The following FAM219A variants were observed in gnomAD, a reference collection of about 807,000 sequenced individuals.
FAM219A encodes family with sequence similarity 219 member A.
In FAM219A, 7 loss-of-function variants were observed where a neutral mutation model predicts 23.4. That is an observed-to-expected ratio of 0.30 (90% CI 0.17 to 0.56). The LOEUF (loss-of-function observed/expected upper bound fraction) is 0.56, where lower values mean the gene tolerates loss of function less well. Ranked by LOEUF, FAM219A falls within the 20% of genes least tolerant of loss-of-function variation. The pLI is 0.92. For missense variants in FAM219A, 166 were observed against 246.9 expected (o/e 0.67, Z 2.20); for synonymous variants, 93 against 99.0 (o/e 0.94, Z 0.36).
intron 1 of FAM219A, among the ~76,000 whole-genome samples, chr9:34,414,849 C>T (rs929361544): frequency 6.6e-6 from 1 of 152,242 alleles, no homozygotes. Context: ...AAAGTCAACA[C>T]ACTGAGTGTC....
chr9:34,398,584 T>A lies in FAM219A; in HGVS notation c.*2380A>T, dbSNP rs934251091. The A allele has an allele frequency of 1.7e-6, 1 of 573,386 alleles. No individual in the cohort carries two copies. Among genetic ancestry groups the A allele is most frequent in the African/African-American group, 1.9e-5 (1 of 53,142 alleles). The allele number at this position is 573,386 out of a possible 1,614,324, so 35.5% of individuals were successfully genotyped here. A position where few individuals can be genotyped will look rare whatever the true frequency, so the allele number is the denominator to read the frequency against. On this transcript the variant is annotated 3_prime_UTR_variant, in exon 6 of 6. Coordinates refer to ENST00000651358, the MANE Select transcript of FAM219A (RefSeq NM_001184940.2). The stretch of plus-strand genomic sequence containing the variant: ...CCTGCCAGGGAACTAGTATGTCCTG[T>A]GGGGGGGGAGATTTTCCCTGGTGTC...
intron 1 of FAM219A, among the ~76,000 whole-genome samples, chr9:34,443,484 C>T (rs934912291): frequency 2.6e-5 from 4 of 152,308 alleles, no homozygotes; most frequent in Middle Eastern, 3.4e-3. Context: ...CCCATCTCCT[C>T]ACTCTCTCCC....
chr9:34,434,958 TAC>T (rs1822848767), intron 1 of FAM219A, among the ~76,000 whole-genome samples: 1 of 152,208 alleles, frequency 6.6e-6, no homozygotes, highest in East Asian at 1.9e-4. Flanking sequence ...TAGCTGGGAC[TAC>T]AGGCATGTGC....
At chr9:34,455,281 T>C (rs1823688878) in intron 1 of FAM219A, among the ~76,000 whole-genome samples, 1 of 152,106 alleles carries the variant, frequency 6.6e-6, no homozygotes, top group Admixed American at 6.5e-5. Flanking sequence ...CTTCATCTCA[T>C]AAATGGAAAA....
intron 1 of FAM219A, among the ~76,000 whole-genome samples, chr9:34,433,747 G>C (rs1474560109): frequency 1.3e-5 from 2 of 152,024 alleles, no homozygotes; most frequent in Non-Finnish European, 2.9e-5. Context: ...CAGACTGACT[G>C]TATCATTTTA....
rs530569905 is a variant in FAM219A at position 34,457,625 on chromosome 9, T to G, written c.60+579A>C. Among the ~76,000 whole-genome samples, 7 of 152,226 alleles carry G rather than the reference T, an allele frequency of 4.6e-5. No individual in the cohort carries two copies. The highest frequency in any genetic ancestry group is 1.4e-4 in the African/African-American group (6 of 41,556). On this transcript the variant is annotated intron_variant, in intron 1 of 5. Transcript: ENST00000651358. The surrounding 1 kb of genome is among the most constrained non-coding windows in gnomAD (Gnocchi z 5.1). ...CTTCCCGGTTTAGATGCCCCCAGCC[T>G]GGTCTGCCTGCGCTCCCCACCGGAG...
At chr9:34,438,911 C>T (rs544846098) in intron 1 of FAM219A, among the ~76,000 whole-genome samples, 57 of 152,384 alleles carry the variant, frequency 3.7e-4, no homozygotes, top group African/African-American at 1.1e-3. Context: ...TGCAATAAAT[C>T]TTGCTACTGC....
rs1337192711 is a variant in FAM219A at position 34,458,284 on chromosome 9, C to G, written c.-21G>C. ...ATCATGGTGCCGGCGGGCGAGCGGGCCAGGGGCCGGGCGCGGCCGCGGACG... is the reference window on the plus strand; with the variant it reads ...ATCATGGTGCCGGCGGGCGAGCGGGGCAGGGGCCGGGCGCGGCCGCGGACG... On this transcript the variant is annotated 5_prime_UTR_variant, in exon 1 of 6. Coordinates refer to ENST00000651358, the MANE Select transcript of FAM219A (RefSeq NM_001184940.2). This position sits in a 1 kb window ranked among gnomAD's most constrained non-coding sequence, Gnocchi z 6.6. 4 of 1,446,452 alleles carry G rather than the reference C, an allele frequency of 2.8e-6. No homozygotes were observed. The highest frequency in any genetic ancestry group is 3.6e-6 in the Non-Finnish European group (4 of 1,100,156). 89.6% of individuals were successfully genotyped at this position (1,446,452 alleles called of 1,614,324 possible). A position where few individuals can be genotyped will look rare whatever the true frequency, so the allele number is the denominator to read the frequency against.
intron 1 of FAM219A, among the ~76,000 whole-genome samples, chr9:34,440,867 A>AT (rs200360352): frequency 6.6e-6 from 1 of 151,298 alleles, no homozygotes; most frequent in Admixed American, 6.6e-5. Context: ...AAAAAAAAAA[A>AT]ATTTTTAAAG....
intron 1 of FAM219A, among the ~76,000 whole-genome samples, chr9:34,430,517 G>A (rs1180273058): frequency 1.3e-5 from 2 of 151,042 alleles, no homozygotes; most frequent in South Asian, 4.2e-4. Flanking sequence ...GGCGCTTGTA[G>A]TCCCAGCTAC....
intron 1 of FAM219A, among the ~76,000 whole-genome samples, chr9:34,424,053 A>T: frequency 6.6e-6 from 1 of 152,198 alleles, no homozygotes; most frequent in East Asian, 1.9e-4. Flanking sequence ...TAAGCAGAAG[A>T]CTGACAGCTA....
chr9:34,414,757 G>A (rs1375782656), intron 1 of FAM219A, among the ~76,000 whole-genome samples: 3 of 152,168 alleles, frequency 2.0e-5, no homozygotes, highest in African/African-American at 7.2e-5. Context: ...GAGAATCCTG[G>A]CTGGCCCAGG....
In FAM219A at chr9:34,457,854, C is replaced by A. The variant is rs10814111; in HGVS notation, c.60+350G>T. Among the ~76,000 whole-genome samples, 7,135 of 152,304 alleles carry A rather than the reference C, an allele frequency of 0.047. 269 individuals are homozygous for A. Among genetic ancestry groups the A allele is most frequent in the Admixed American group, 0.093 (1,430 of 15,306 alleles). Reference sequence around the variant, plus strand: ...ACTAAACGCCTCCCCACCTCCCATCCCAGACCCCTGGGCCTGCCGCCGGCG... The same window carrying A: ...ACTAAACGCCTCCCCACCTCCCATCACAGACCCCTGGGCCTGCCGCCGGCG... On this transcript the variant is annotated intron_variant, in intron 1 of 5. Coordinates refer to ENST00000651358, the MANE Select transcript of FAM219A (RefSeq NM_001184940.2). The surrounding 1 kb of genome is among the most constrained non-coding windows in gnomAD (Gnocchi z 5.1).
chr9:34,402,344 GTTC>G, intron 4 of FAM219A, 40 bp downstream of exon 4: 1 of 1,614,162 alleles, frequency 6.2e-7, no homozygotes, highest in Non-Finnish European at 8.5e-7. Flanking sequence ...TGCTATACAG[GTTC>G]CTTTGGGCTG....
In FAM219A at chr9:34,433,975, G is replaced by T. The variant is rs536441841; in HGVS notation, c.60+24229C>A. 6.6e-5 allele frequency among the ~76,000 whole-genome samples: 10 copies of T among 152,088 alleles called. No homozygotes were observed. In the South Asian group the frequency reaches 2.1e-3, roughly 32 times the overall value. The stretch of plus-strand genomic sequence containing the variant: ...CCCAGCACTTTGGGAGGCCGAGGCG[G>T]GCGGATCACAAGGTCAGGAGATCAA... On this transcript the variant is annotated intron_variant, in intron 1 of 5. Coordinates refer to ENST00000651358, the MANE Select transcript of FAM219A (RefSeq NM_001184940.2).
intron 1 of FAM219A, among the ~76,000 whole-genome samples, chr9:34,442,574 A>T (rs1268509447): frequency 6.6e-6 from 1 of 151,970 alleles, no homozygotes; most frequent in African/African-American, 2.4e-5. Context: ...AATCCCAGCT[A>T]CTCAGGAAGC....
At position 34,450,533 on chromosome 9, in the gene FAM219A, C is replaced by T. The variant is rs536275622; in HGVS notation, c.60+7671G>A. Among the ~76,000 whole-genome samples the T allele has an allele frequency of 1.6e-4, 25 of 152,098 alleles. No individual in the cohort carries two copies. The South Asian group carries it at 3.5e-3, about 22-fold the overall frequency. On this transcript the variant is annotated intron_variant, in intron 1 of 5. Coordinates refer to ENST00000651358, the MANE Select transcript of FAM219A (RefSeq NM_001184940.2). ...CTCCTGGGTTCAAGCAATTTTCTGC[C>T]TCAGCCTCCCGAGTAGCTGGGATTA...
At chr9:34,414,827 C>G (rs1040601012) in intron 1 of FAM219A, among the ~76,000 whole-genome samples, 1 of 152,218 alleles carries the variant, frequency 6.6e-6, no homozygotes, top group Non-Finnish European at 1.5e-5. Context: ...TAAAAGAAGA[C>G]CCATTTCAAA....
In FAM219A at chr9:34,402,743, G is replaced by T. The variant is rs1376366709; in HGVS notation, c.225C>A (p.Asn75Lys). 9 of 1,614,186 alleles carry T rather than the reference G, an allele frequency of 5.6e-6. No individual in the cohort carries two copies. The highest frequency in any genetic ancestry group is 7.6e-6 in the Non-Finnish European group (9 of 1,180,024). ...TGACATTGTTCTTCTTGGGTTGCTG[G>T]TTGACAGGGCTACCCATGCTGCCAT... Reference protein sequence around the residue: ...LKNGSMGSPVNQQPKKNNVMA... With the variant: ...LKNGSMGSPVKQQPKKNNVMA... The change falls in exon 3 of 6, where the codon AAC becomes AAA. Residue 75 changes from asparagine to lysine, a missense_variant. Around this residue, in one of 3 missense-constraint regions of FAM219A, gnomAD observed 89 missense variants for 98.8 expected, o/e 0.90. Transcript: ENST00000651358.
Sources: allele counts gnomAD v4.1 joint callset (sites outside exome capture counted in the v4.1 genomes callset), GRCh38; gene constraint gnomAD v4.1.1; regional missense constraint gnomAD v4.1.1; non-coding constraint Gnocchi (gnomAD v3.1); transcripts MANE v1.5; gene names NCBI Gene and HGNC (gene_info 2026-07-23, HGNC 2026-07-21).